The following NAA15 variants were observed in gnomAD, a reference collection of about 807,000 sequenced individuals.
NAA15 encodes the protein N-terminal acetyltransferase.
A neutral mutation model predicts 114.0 loss-of-function variants in NAA15; 34 were observed. The observed-to-expected ratio is 0.30, with a 90% CI of 0.23 to 0.40. NAA15 has a LOEUF of 0.40. Ranked by LOEUF, NAA15 falls within the 10% of genes least tolerant of loss-of-function variation. The probability of loss-of-function intolerance (pLI) is 1.00; values close to 1 mark genes in which losing one functional copy is unlikely to be tolerated. For missense variants in NAA15, 658 were observed against 1,004.5 expected, an observed-to-expected ratio of 0.66 and a Z score of 4.66; for synonymous variants, 340 against 338.0, an observed-to-expected ratio of 1.01 and a Z score of -0.06.
At chr4:139,327,252 GTTTA>G (rs1746833097) in intron 1 of NAA15, among the ~76,000 whole-genome samples, 1 of 151,856 alleles carries the variant, frequency 6.6e-6, no homozygotes, top group South Asian at 2.1e-4. Context: ...ATCTTTGTTT[GTTTA>G]TTTGTTTGTT....
chr4:139,365,525 A>T (rs541828176), intron 14 of NAA15, among the ~76,000 whole-genome samples: 1 of 152,224 alleles, frequency 6.6e-6, no homozygotes, highest in East Asian at 1.9e-4. Flanking sequence ...GTTGTTGAGG[A>T]CATCAAATGA....
chr4:139,336,395 T>G (rs1424811408), intron 2 of NAA15, among the ~76,000 whole-genome samples: 1 of 152,124 alleles, frequency 6.6e-6, no homozygotes, highest in African/African-American at 2.4e-5. Context: ...TTTAGGAAAA[T>G]AAAAAATGTA....
intron 17 of NAA15, among the ~76,000 whole-genome samples, chr4:139,383,574 T>G (rs990951110): frequency 9.9e-5 from 15 of 152,124 alleles, no homozygotes; most frequent in East Asian, 7.7e-4. Context: ...AGGTTCAAGC[T>G]GTTCTCCTGC....
At chr4:139,377,663 G>T (rs922623958) in intron 16 of NAA15, among the ~76,000 whole-genome samples, 1 of 152,062 alleles carries the variant, frequency 6.6e-6, no homozygotes, top group Non-Finnish European at 1.5e-5. Flanking sequence ...ATTTACATAG[G>T]TATATAATAT....
At chr4:139,350,154 G>T (rs183650028) in intron 7 of NAA15, among the ~76,000 whole-genome samples, 5 of 152,200 alleles carry the variant, frequency 3.3e-5, no homozygotes, top group African/African-American at 1.2e-4. Context: ...TCAAAAACAT[G>T]AAAGGAAGCC....
intron 1 of NAA15, among the ~76,000 whole-genome samples, chr4:139,315,416 G>T (rs948948275): frequency 6.6e-6 from 1 of 151,836 alleles, no homozygotes; most frequent in Non-Finnish European, 1.5e-5. Context: ...CTACTTGGCA[G>T]GCTGAGGTGG....
rs569154393 is a variant in NAA15 at position 139,386,186 on chromosome 4, T to C, written c.2356T>C (p.Leu786=). 93 of 1,611,214 alleles carry C rather than the reference T, an allele frequency of 5.8e-5. No homozygotes were observed. The highest frequency in any genetic ancestry group is 7.4e-5 in the Non-Finnish European group (87 of 1,178,634). The change falls in exon 19 of 20, where the codon TTG becomes CTG. Residue 786 remains leucine, a synonymous_variant. Transcript: ENST00000296543. ...DPSSQKRAIE[L]ATTLDESLTN... ...TTCTAGTCAGAAGCGAGCTATAGAG[T>C]TGGCAACAACACTTGATGAATCTCT...
rs893543835 is a variant in NAA15 at position 139,343,497 on chromosome 4, T to C, written c.537+537T>C. Among the ~76,000 whole-genome samples, 7 of 151,752 alleles carry C rather than the reference T, an allele frequency of 4.6e-5. No homozygotes were observed. The East Asian group carries it at 1.2e-3, about 25-fold the overall frequency. ...CAGCCTCTTTTAATCTGAAACAGTT[T>C]TGAAAACTTCCTTTGTATTTTATGA... On this transcript the variant is annotated intron_variant, in intron 5 of 19. Transcript: ENST00000296543.
At chr4:139,359,336 C>T (rs1748063453) in intron 11 of NAA15, among the ~76,000 whole-genome samples, 1 of 151,858 alleles carries the variant, frequency 6.6e-6, no homozygotes, top group Non-Finnish European at 1.5e-5. Context: ...CCATGTTGGC[C>T]AAGTTTGACT....
chr4:139,337,031 ATC>A (rs1336195989), intron 3 of NAA15, 79 bp downstream of exon 3: 1 of 812,062 alleles, frequency 1.2e-6, no homozygotes, highest in African/African-American at 1.8e-5. Flanking sequence ...AAAGTTTTAG[ATC>A]TCTCTTATTG....
At chr4:139,332,180 G>C (rs1408355891) in intron 1 of NAA15, among the ~76,000 whole-genome samples, 3 of 152,022 alleles carry the variant, frequency 2.0e-5, no homozygotes, top group Admixed American at 2.0e-4. Context: ...ATCCAGGCTG[G>C]AGTGCAGTAG....
rs189409515 is a variant in NAA15, at chr4:139,382,091, G to C, written c.2156-2741G>C. ...TGCCCACTAGTCTTTAGCAGTAAAT[G>C]GACATCTGATAATCTGTGACATATG... is the stretch of plus-strand genomic sequence containing the variant. On this transcript the variant is annotated intron_variant, in intron 17 of 19. Transcript: ENST00000296543. Among the ~76,000 whole-genome samples, 111 of 152,168 alleles carry C rather than the reference G, an allele frequency of 7.3e-4. 1 individual carries two copies. The highest frequency in any genetic ancestry group is 1.6e-3 in the Admixed American group (24 of 15,284).
intron 13 of NAA15, 135 bp from the exon 14 acceptor site, chr4:139,361,589 A>G: frequency 1.7e-6 from 1 of 589,188 alleles, no homozygotes; most frequent in Non-Finnish European, 2.9e-6. Context: ...TTCCTGTTGA[A>G]TAATTGTAAT....
chr4:139,378,283 G>T (rs1748646784), intron 16 of NAA15, among the ~76,000 whole-genome samples: 1 of 152,146 alleles, frequency 6.6e-6, no homozygotes, highest in Admixed American at 6.5e-5. Context: ...GAGAATGACT[G>T]AAAAGATAAC....
At chr4:139,380,586 C>G (rs943986079) in intron 17 of NAA15, among the ~76,000 whole-genome samples, 4 of 152,138 alleles carry the variant, frequency 2.6e-5, no homozygotes, top group Non-Finnish European at 2.9e-5. Context: ...TTAAAATACA[C>G]ATGGGCTTAG....
intron 15 of NAA15, among the ~76,000 whole-genome samples, chr4:139,375,413 G>A (rs1329716877): frequency 3.3e-5 from 5 of 152,190 alleles, no homozygotes; most frequent in Middle Eastern, 3.4e-3. Flanking sequence ...ACACTAGGAC[G>A]TGGTGAATCC....
chr4:139,329,772 G>A (rs1746938889), intron 1 of NAA15, among the ~76,000 whole-genome samples: 1 of 152,178 alleles, frequency 6.6e-6, no homozygotes, highest in African/African-American at 2.4e-5. Flanking sequence ...GACACATGGG[G>A]ATCTTCTGTG....
chr4:139,376,483 T>C lies in NAA15; in HGVS notation c.2056+10T>C, dbSNP rs778820790. 1 of 1,502,336 alleles carries C rather than the reference T, an allele frequency of 6.7e-7. No individual in the cohort carries two copies. Among genetic ancestry groups the C allele is most frequent in the South Asian group, 1.1e-5 (1 of 88,668 alleles). The allele number at this position is 1,502,336 out of a possible 1,614,324, so 93.1% of individuals were successfully genotyped here. A position where few individuals can be genotyped will look rare whatever the true frequency, so the allele number is the denominator to read the frequency against. ...ATTTACTTTAGGAAAGGTAGGCAAT[T>C]AGGGTACAGTGGCCCTGACAAAACT... On this transcript the variant is annotated intron_variant, in intron 16 of 19. Transcript: ENST00000296543.
At chr4:139,357,598 T>C (rs887881246) in intron 11 of NAA15, 43 bp downstream of exon 11, 1 of 1,267,522 alleles carries the variant, frequency 7.9e-7, no homozygotes, top group Admixed American at 2.5e-5. Flanking sequence ...TAATGAGACT[T>C]GTCATGAACT....
Sources: gnomAD v4.1 joint callset for allele counts (sites outside exome capture counted in the v4.1 genomes callset) on GRCh38, gnomAD v4.1.1 for gene constraint, MANE v1.5 for transcripts, NCBI Gene and HGNC (gene_info 2026-07-23, HGNC 2026-07-21) for gene names.